The following VPS41 variants were observed in gnomAD, a reference collection of about 807,000 sequenced individuals.
The protein encoded by VPS41 is vacuolar protein sorting-associated protein 41 homolog.
Under a neutral mutation model 130.9 loss-of-function variants are expected in VPS41, and 85 were observed. The ratio of observed to expected loss-of-function variants is 0.65; its 90% CI spans 0.55 to 0.78. The LOEUF (loss-of-function observed/expected upper bound fraction) is 0.78, where lower values mean the gene tolerates loss of function less well. VPS41 is among the 30% of genes least tolerant of loss of function. The probability of loss-of-function intolerance (pLI) is 0.00; values close to 1 mark genes in which losing one functional copy is unlikely to be tolerated. For missense variants in VPS41, 874 were observed against 1,018.7 expected, an observed-to-expected ratio of 0.86 and a Z score of 1.93; for synonymous variants, 335 against 332.9, an observed-to-expected ratio of 1.01 and a Z score of -0.07.
chr7:38,840,973 C>G (rs1785597116), intron 4 of VPS41, among the ~76,000 whole-genome samples: 1 of 152,326 alleles, frequency 6.6e-6, no homozygotes, highest in African/African-American at 2.4e-5. Context: ...CTCTCCTGCC[C>G]CAGAACAGCT....
chr7:38,830,541 A>G (rs550796817), intron 4 of VPS41, among the ~76,000 whole-genome samples: 3 of 152,318 alleles, frequency 2.0e-5, no homozygotes, highest in Non-Finnish European at 4.4e-5. Context: ...TTTTTAAAAA[A>G]TATTTAGCCT....
At chr7:38,732,755 C>T (rs1224551932) in intron 25 of VPS41, among the ~76,000 whole-genome samples, 2 of 152,166 alleles carry the variant, frequency 1.3e-5, no homozygotes, top group South Asian at 2.1e-4. Flanking sequence ...CCATAAGGAA[C>T]TGAGGAACTT....
chr7:38,820,681 C>A (rs1350550776), intron 6 of VPS41, among the ~76,000 whole-genome samples: 1 of 152,174 alleles, frequency 6.6e-6, no homozygotes. Flanking sequence ...CTTTTATGTA[C>A]CAAATAAATT....
chr7:38,862,504 A>C (rs753448391), intron 4 of VPS41, 41 bp downstream of exon 4: 13 of 1,238,678 alleles, frequency 1.0e-5, no homozygotes, highest in Non-Finnish European at 1.5e-5. Context: ...AATACTTAAC[A>C]TGAAGTTTAG....
chr7:38,882,417 C>G (rs1296557587), intron 2 of VPS41, among the ~76,000 whole-genome samples: 1 of 152,178 alleles, frequency 6.6e-6, no homozygotes, highest in Non-Finnish European at 1.5e-5. Flanking sequence ...GTCCAGGAAT[C>G]AGGCCTCTTT....
intron 4 of VPS41, among the ~76,000 whole-genome samples, chr7:38,856,552 C>T (rs1191472108): frequency 6.6e-6 from 1 of 152,008 alleles, no homozygotes; most frequent in Non-Finnish European, 1.5e-5. Context: ...GGTTATGTTT[C>T]AAAACAATAT....
intron 28 of VPS41, among the ~76,000 whole-genome samples, chr7:38,726,611 A>G (rs139941017): frequency 3.5e-4 from 54 of 152,372 alleles, no homozygotes; most frequent in African/African-American, 1.3e-3. Context: ...TGAGAAACAC[A>G]TAAGATACAC....
intron 17 of VPS41, among the ~76,000 whole-genome samples, chr7:38,760,575 TATTTTTA>T (rs1783889450): frequency 6.6e-6 from 1 of 152,054 alleles, no homozygotes; most frequent in Non-Finnish European, 1.5e-5. Flanking sequence ...TTTATTTATT[TATTTTTA>T]AAATTTGCTC....
chr7:38,743,414 T>C lies in VPS41; in HGVS notation c.2110A>G (p.Ile704Val). 1 of 1,613,880 alleles carries C rather than the reference T, an allele frequency of 6.2e-7. No homozygotes were observed. Among genetic ancestry groups the C allele is most frequent in the Non-Finnish European group, 8.5e-7 (1 of 1,179,824 alleles). The change falls in exon 24 of 29, where the codon ATT (isoleucine) becomes GTT (valine). Residue 704 changes from isoleucine (I) to valine (V), a missense_variant. By Grantham distance (29) the Ile-to-Val change is conservative. Transcript: ENST00000310301. The part of the protein sequence containing the change: ...ELWEDLILYS[I>V]DKPPFITGLL... ...CTTTTATGCTTACGTGGTTTGTCAA[T>C]GGAATATAAAATCAAATCTTCCCAC...
At chr7:38,758,321 G>A (rs769265805) in intron 18 of VPS41, 33 bp downstream of exon 18, 5 of 1,579,550 alleles carry the variant, frequency 3.2e-6, no homozygotes, top group Non-Finnish European at 4.3e-6. Context: ...AACACAGACT[G>A]ATATGGAAAA....
At chr7:38,883,371 A>C (rs1351670026) in intron 2 of VPS41, among the ~76,000 whole-genome samples, 1 of 152,114 alleles carries the variant, frequency 6.6e-6, no homozygotes, top group Non-Finnish European at 1.5e-5. Flanking sequence ...CACATCCTAG[A>C]AGACATCCAG....
chr7:38,893,989 A>G lies in VPS41; in HGVS notation c.60+4102T>C, dbSNP rs367562622. On this transcript the variant is annotated intron_variant, in intron 2 of 28. Transcript: ENST00000310301. ...CTGATATAATATAAAAGCACAGTTT[A>G]CATGAAATGCAACATTTCATAAAAT... is the stretch of plus-strand genomic sequence containing the variant. Among the ~76,000 whole-genome samples, 4 of 152,330 alleles carry G rather than the reference A, an allele frequency of 2.6e-5. 1 individual carries two copies. Among genetic ancestry groups the G allele is most frequent in the East Asian group, 1.9e-4 (1 of 5,188 alleles).
Position 38,742,103 on chromosome 7 carries a change from A to G in VPS41, c.2141T>C (p.Leu714Ser). ...IDKPPFITGL[L>S]NNIGTHVDPI... ...GTCAACATGTGTGCCAATGTTGTTT[A>G]ACAAGCCAGTAATAAATGCTACAAA... Residue 714 changes from leucine (L) to serine (S), a missense_variant, in exon 25 of 29, where the codon TTA becomes TCA. Transcript: ENST00000310301. The G allele has an allele frequency of 6.2e-7, 1 of 1,610,542 alleles. No homozygotes were observed. Among genetic ancestry groups the G allele is most frequent in the Admixed American group, 1.7e-5 (1 of 58,778 alleles).
At chr7:38,767,677 A>C in intron 14 of VPS41, 79 bp from the exon 15 acceptor site, 1 of 1,017,758 alleles carries the variant, frequency 9.8e-7, no homozygotes, top group Non-Finnish European at 1.5e-6. Context: ...TGCACAGGGC[A>C]TAACATTAGG....
chr7:38,843,281 C>T (rs1022793001), intron 4 of VPS41, among the ~76,000 whole-genome samples: 1 of 152,148 alleles, frequency 6.6e-6, no homozygotes, highest in African/African-American at 2.4e-5. Context: ...AGCTGACAGT[C>T]CAGATGCGGC....
At position 38,869,232 on chromosome 7, in the gene VPS41, G is replaced by T. The variant is rs1464533714; in HGVS notation, c.82C>A (p.Pro28Thr). 9 of 1,611,832 alleles carry T rather than the reference G, an allele frequency of 5.6e-6. No individual in the cohort carries two copies. The highest frequency in any genetic ancestry group is 7.6e-6 in the Non-Finnish European group (9 of 1,178,714). The change falls in exon 3 of 29, where the codon CCC becomes ACC. Residue 28 changes from proline (P) to threonine (T), a missense_variant. Pro to Thr is a conservative substitution (Grantham distance 38). Transcript: ENST00000310301. ...GAAAGCCTTTCATACTTCAGCTTGG[G>T]TTCCTCTTCGCTCTCTTCTTCCTGC... is the stretch of plus-strand genomic sequence containing the variant. Reference protein sequence around the residue: ...ESEEEESEEEPKLKYERLSNG... With the variant: ...ESEEEESEEETKLKYERLSNG...
chr7:38,884,736 G>A (rs1006978474), intron 2 of VPS41, among the ~76,000 whole-genome samples: 1 of 152,130 alleles, frequency 6.6e-6, no homozygotes, highest in African/African-American at 2.4e-5. Flanking sequence ...TTGCTTCAAC[G>A]GAACAAACTA....
intron 22 of VPS41, among the ~76,000 whole-genome samples, chr7:38,749,902 G>T (rs568279774): frequency 6.6e-6 from 1 of 151,906 alleles, no homozygotes; most frequent in Non-Finnish European, 1.5e-5. Flanking sequence ...TTGCTTTCTC[G>T]CCTAGGCCGG....
intron 4 of VPS41, among the ~76,000 whole-genome samples, chr7:38,835,277 T>C (rs1785470871): frequency 6.6e-6 from 1 of 152,094 alleles, no homozygotes; most frequent in Admixed American, 6.5e-5. Flanking sequence ...CTTAATTTTT[T>C]CCCTTTTTAC....
Sources: gnomAD v4.1 joint callset for allele counts (sites outside exome capture counted in the v4.1 genomes callset) on GRCh38, gnomAD v4.1.1 for gene constraint, MANE v1.5 for transcripts, NCBI Gene and HGNC (gene_info 2026-07-23, HGNC 2026-07-21) for gene names.